Variants in INF2 observed in about 807,000 individuals in gnomAD.
INF2 encodes inverted formin-2.
A neutral mutation model predicts 123.5 loss-of-function variants in INF2; 43 were observed. That is an observed-to-expected ratio of 0.35 (90% CI 0.27 to 0.45). The LOEUF (loss-of-function observed/expected upper bound fraction) is 0.45. Ranked by LOEUF, INF2 falls within the 20% of genes least tolerant of loss-of-function variation. The probability of loss-of-function intolerance (pLI) is 1.00; values close to 1 mark genes in which losing one functional copy is unlikely to be tolerated. For synonymous variants in INF2, 851 were observed against 745.0 expected, an observed-to-expected ratio of 1.14 and a Z score of -2.32; for missense variants, 1,453 against 1,682.7, an observed-to-expected ratio of 0.86 and a Z score of 2.39.
intron 1 of INF2, among the ~76,000 whole-genome samples, chr14:104,692,083 C>T (rs917023203): frequency 4.6e-5 from 7 of 152,188 alleles, no homozygotes; most frequent in Admixed American, 1.3e-4. Context: ...TGTCAGTCCC[C>T]GAGGGCCAGC....
intron 1 of INF2, among the ~76,000 whole-genome samples, chr14:104,697,417 C>T (rs1220662062): frequency 6.6e-6 from 1 of 152,212 alleles, no homozygotes; most frequent in Non-Finnish European, 1.5e-5. Context: ...CTCCACAGCT[C>T]GGTGCTGGGC....
chr14:104,713,232 C>T lies in INF2; in HGVS notation c.2801C>T (p.Ala934Val), dbSNP rs1001885245. The T allele has an allele frequency of 1.5e-5, 23 of 1,553,560 alleles. No homozygotes were observed. Among genetic ancestry groups the T allele is most frequent in the Admixed American group, 3.9e-5 (2 of 51,260 alleles). Residue 934 changes from alanine to valine, a missense_variant, in exon 19 of 23, where the codon GCG becomes GTG. Around this residue, in one of 8 missense-constraint regions of INF2, gnomAD observed 212 missense variants for 266.2 expected, o/e 0.80. Coordinates refer to ENST00000392634, the MANE Select transcript of INF2 (RefSeq NM_022489.4). ...GAGAACAAGGACCGGAAGGAGCAGGCGGCGAAGGCAGAGAGGAGGAAGCAG... is the reference window on the plus strand; with the variant it reads ...GAGAACAAGGACCGGAAGGAGCAGGTGGCGAAGGCAGAGAGGAGGAAGCAG... ...LKENKDRKEQ[A>V]AKAERRKQQL...
intron 1 of INF2, among the ~76,000 whole-genome samples, chr14:104,697,938 C>G (rs960562396): frequency 6.6e-6 from 1 of 152,200 alleles, no homozygotes; most frequent in Non-Finnish European, 1.5e-5. Context: ...CTTTTGCTGT[C>G]CAAGGCATGG....
At position 104,709,268 on chromosome 14, in the gene INF2, C is replaced by G. The variant is rs779736032; in HGVS notation, c.1950-13C>G. On this transcript the variant is annotated splice_polypyrimidine_tract_variant and intron_variant, in intron 10 of 22. Coordinates refer to ENST00000392634, the MANE Select transcript of INF2 (RefSeq NM_022489.4). The stretch of plus-strand genomic sequence containing the variant: ...GATTCACTCACCCCTGCCCGGTCCT[C>G]TCCCTGCTCCAGCTCCAACGAGGAG... 6.2e-7 allele frequency: 1 copy of G among 1,608,230 alleles called. No homozygotes were observed. The highest frequency in any genetic ancestry group is 1.3e-5 in the African/African-American group (1 of 74,974).
intron 1 of INF2, among the ~76,000 whole-genome samples, chr14:104,695,126 C>T (rs1022094604): frequency 6.6e-6 from 1 of 152,136 alleles, no homozygotes; most frequent in African/African-American, 2.4e-5. Context: ...GCCCAGCAGA[C>T]CCCCTGCAGG....
upstream of INF2, chr14:104,689,227 C>G: frequency 1.0e-6 from 1 of 985,356 alleles, no homozygotes; most frequent in Non-Finnish European, 1.2e-6. Context: ...ACGGGAGTCC[C>G]GGGCCGGGGC....
intron 8 of INF2, 63 bp from the exon 9 acceptor site, chr14:104,708,373 G>GCC: frequency 3.1e-6 from 5 of 1,588,244 alleles, no homozygotes; most frequent in Non-Finnish European, 4.3e-6. Context: ...TCCAGCCCCT[G>GCC]CCTGCTGGAT....
At chr14:104,705,553 C>T (rs1403363298) in intron 5 of INF2, among the ~76,000 whole-genome samples, 2 of 152,206 alleles carry the variant, frequency 1.3e-5, no homozygotes, top group African/African-American at 4.8e-5. Flanking sequence ...CTGGCAAGTC[C>T]TAGGCCCAGT....
At chr14:104,697,576 G>A (rs1345401217) in intron 1 of INF2, among the ~76,000 whole-genome samples, 1 of 152,250 alleles carries the variant, frequency 6.6e-6, no homozygotes, top group Non-Finnish European at 1.5e-5. Flanking sequence ...TAGGCGGGGC[G>A]GTGGCCCGGT....
At chr14:104,715,950 G>A (rs1415767097) in intron 22 of INF2, 2 of 456,086 alleles carry the variant, frequency 4.4e-6, no homozygotes, top group Non-Finnish European at 8.8e-6. Context: ...GTGGGTCTAT[G>A]GAGAAGCAGA....
At chr14:104,715,186 T>C (rs1469946534) in intron 21 of INF2, 98 bp from the exon 22 acceptor site, 13 of 1,188,352 alleles carry the variant, frequency 1.1e-5, no homozygotes, top group Non-Finnish European at 1.6e-5. Flanking sequence ...CAGAGGGTGT[T>C]GGCATGGCTG....
At chr14:104,715,658 G>T in intron 22 of INF2, 2 of 565,004 alleles carry the variant, frequency 3.5e-6, no homozygotes, top group South Asian at 3.7e-5. Context: ...CCGGGCCCTG[G>T]GGCGTGGGCG....
intron 2 of INF2, 124 bp downstream of exon 2, chr14:104,701,880 AG>A: frequency 9.1e-7 from 1 of 1,098,044 alleles, no homozygotes; most frequent in African/African-American, 1.6e-5. Context: ...GCAGGCAAGG[AG>A]GGCTTCCTGG....
intron 16 of INF2, 142 bp downstream of exon 16, chr14:104,711,841 C>G: frequency 1.4e-6 from 1 of 735,884 alleles, no homozygotes; most frequent in East Asian, 2.7e-5. Flanking sequence ...CCCAATAGAA[C>G]ACTTCCCTTT....
chr14:104,717,770 C>A (rs1037590469), intron 22 of INF2: 22 of 152,288 alleles, frequency 1.4e-4, no homozygotes, highest in African/African-American at 5.3e-4. Context: ...TTCTGAACCT[C>A]CACTGCACGA....
rs57402537 is a variant in INF2 at position 104,707,117 on chromosome 14, G to C, written c.985+66G>C. ...CAGACACTGAGGTCTTAGACCATGGGGGGGGGAGCCTGCCCTTGGCCCCAA... is the reference window on the plus strand; with the variant it reads ...CAGACACTGAGGTCTTAGACCATGGCGGGGGGAGCCTGCCCTTGGCCCCAA... On this transcript the variant is annotated intron_variant, in intron 7 of 22. Transcript: ENST00000392634. 5,504 of 1,521,056 alleles carry C rather than the reference G, an allele frequency of 3.6e-3. 107 individuals carry two copies. In the African/African-American group the frequency reaches 0.054, roughly 15 times the overall value. The allele number at this position is 1,521,056 out of a possible 1,614,324, so 94.2% of individuals were successfully genotyped here. A position where few individuals can be genotyped will look rare whatever the true frequency, so the allele number is the denominator to read the frequency against.
At chr14:104,689,800 C>A in intron 1 of INF2, 61 bp downstream of exon 1, 2 of 926,766 alleles carry the variant, frequency 2.2e-6, no homozygotes, top group Non-Finnish European at 2.6e-6. Context: ...CGGGAGGAGG[C>A]AGGGGCGTGC....
exon 1 of INF2, chr14:104,681,318 A>G (rs1160562653): frequency 2.2e-5 from 9 of 415,310 alleles, no homozygotes; most frequent in East Asian, 7.2e-5. Context: ...CGAAAGGTGA[A>G]AAGAGGAACA....
chr14:104,706,281 T>A, intron 6 of INF2, 105 bp downstream of exon 6: 4 of 1,190,324 alleles, frequency 3.4e-6, no homozygotes, highest in Non-Finnish European at 4.6e-6. Context: ...GGTCAGACCC[T>A]GCTGTGACCT....
Sources: gnomAD v4.1 joint callset for allele counts (sites outside exome capture counted in the v4.1 genomes callset) on GRCh38, gnomAD v4.1.1 for gene constraint, gnomAD v4.1.1 regional missense constraint, MANE v1.5 for transcripts, NCBI Gene and HGNC (gene_info 2026-07-23, HGNC 2026-07-21) for gene names.